Variants in GRIN2B observed in about 807,000 individuals in gnomAD.
GRIN2B encodes the protein glutamate ionotropic receptor NMDA type subunit 2B.
Under a neutral mutation model 114.5 loss-of-function variants are expected in GRIN2B, and 5 were observed. The observed-to-expected ratio is 0.04, with a 90% CI of 0.02 to 0.09. The LOEUF (loss-of-function observed/expected upper bound fraction) is 0.09. GRIN2B is among the 10% of genes least tolerant of loss of function. GRIN2B has a pLI of 1.00. For missense variants in GRIN2B, 1,108 were observed against 1,943.5 expected (o/e 0.57, Z 8.08); for synonymous variants, 787 against 745.1 (o/e 1.06, Z -0.92).
intron 2 of GRIN2B, among the ~76,000 whole-genome samples, chr12:13,968,726 T>A (rs12824372): frequency 0.18 from 27,398 of 152,220 alleles, 2,897 homozygotes; most frequent in South Asian, 0.31. Flanking sequence ...TAATAGCTGA[T>A]AGAGATATTT....
intron 3 of GRIN2B, among the ~76,000 whole-genome samples, chr12:13,757,222 T>C (rs1322165429): frequency 1.3e-5 from 2 of 152,204 alleles, no homozygotes; most frequent in African/African-American, 4.8e-5. Flanking sequence ...AATAATAGCT[T>C]GGGCCAATGT....
rs186245852 is a variant in GRIN2B, at chr12:13,608,964, G to A, written c.1781-132C>T. 2,685 of 711,008 alleles carry A rather than the reference G, an allele frequency of 3.8e-3. 9 individuals are homozygous for A. Among genetic ancestry groups the A allele is most frequent in the Non-Finnish European group, 4.7e-3 (1,874 of 398,310 alleles). 44.0% of individuals were successfully genotyped at this position (711,008 alleles called of 1,614,324 possible). ...GCTAAAACCAAGCCCTTTTATAGAC[G>A]GCTTTTAAATTTGAGAGTGTGTATC... On this transcript the variant is annotated intron_variant, in intron 9 of 13. Transcript: ENST00000609686.
At chr12:13,716,567 T>G (rs1950457851) in intron 4 of GRIN2B, among the ~76,000 whole-genome samples, 1 of 151,742 alleles carries the variant, frequency 6.6e-6, no homozygotes, top group Admixed American at 6.6e-5. Flanking sequence ...AATACGAGAT[T>G]GATGTCGAAT....
At chr12:13,580,032 G>A (rs2193146) in intron 10 of GRIN2B, among the ~76,000 whole-genome samples, 4,810 of 152,284 alleles carry the variant, frequency 0.032, 111 homozygotes, top group Non-Finnish European at 0.051. Flanking sequence ...CATACTTGTT[G>A]AGAAGTCTTT....
At chr12:13,961,757 T>C (rs938647366) in intron 2 of GRIN2B, among the ~76,000 whole-genome samples, 6 of 152,112 alleles carry the variant, frequency 3.9e-5, no homozygotes, top group South Asian at 2.1e-4. Flanking sequence ...CCACATCTTC[T>C]AGAAACGTAG....
At chr12:13,650,257 C>T (rs1949800762) in intron 5 of GRIN2B, among the ~76,000 whole-genome samples, 1 of 152,054 alleles carries the variant, frequency 6.6e-6, no homozygotes, top group South Asian at 2.1e-4. Context: ...CACATGCCTT[C>T]TCCACATGCC....
At position 13,549,343 on chromosome 12, in the gene GRIN2B, ATTAT is replaced by A. The variant is rs1433522222; in HGVS notation, c.*13436_*13439del. The A allele has an allele frequency of 6.6e-6, 1 of 152,162 alleles. No homozygotes were observed. The highest frequency in any genetic ancestry group is 6.5e-5 in the Admixed American group (1 of 15,274). The allele number at this position is 152,162 out of a possible 1,614,324, so 9.4% of individuals were successfully genotyped here. ...TTCTTCAGGATTTTGGCAGGCAGTA[ATTAT>A]TTATTATCGGTCTGGGGGCTATAGG... On this transcript the variant is annotated 3_prime_UTR_variant, in exon 14 of 14. Coordinates refer to ENST00000609686, the MANE Select transcript of GRIN2B (RefSeq NM_000834.5).
chr12:13,967,930 A>G (rs1001532431), intron 2 of GRIN2B, among the ~76,000 whole-genome samples: 10 of 152,242 alleles, frequency 6.6e-5, no homozygotes, highest in Non-Finnish European at 1.3e-4. Context: ...CTGTGTCACC[A>G]TCTCCATCTC....
At chr12:13,845,077 C>A (rs1284942004) in intron 3 of GRIN2B, among the ~76,000 whole-genome samples, 1 of 152,120 alleles carries the variant, frequency 6.6e-6, no homozygotes, top group African/African-American at 2.4e-5. Context: ...AAGGGGCTGA[C>A]TTCAGGGTGC....
intron 3 of GRIN2B, among the ~76,000 whole-genome samples, chr12:13,781,797 T>C (rs1020213085): frequency 6.6e-6 from 1 of 152,212 alleles, no homozygotes; most frequent in Admixed American, 6.5e-5. Context: ...AGGTGAGTTC[T>C]CTGCCACAAG....
intron 3 of GRIN2B, among the ~76,000 whole-genome samples, chr12:13,838,276 G>A (rs374724348): frequency 2.0e-5 from 3 of 152,218 alleles, no homozygotes; most frequent in African/African-American, 7.2e-5. Flanking sequence ...AAGCACCTGC[G>A]TGGTCCATTT....
At chr12:13,825,494 T>TATATATA (rs71448874) in intron 3 of GRIN2B, among the ~76,000 whole-genome samples, 508 of 44,804 alleles carry the variant, frequency 0.011, 3 homozygotes, top group South Asian at 0.05. Flanking sequence ...TATATATATA[T>TATATATA]TTTGTGTGTG....
At chr12:13,687,309 C>G (rs11832541) in intron 4 of GRIN2B, among the ~76,000 whole-genome samples, 1 of 152,022 alleles carries the variant, frequency 6.6e-6, no homozygotes, top group South Asian at 2.1e-4. Flanking sequence ...TAGCAAGTCC[C>G]TTTTTTGTAC....
intron 10 of GRIN2B, among the ~76,000 whole-genome samples, chr12:13,579,992 T>A (rs1412167998): frequency 6.6e-6 from 1 of 152,194 alleles, no homozygotes. Context: ...TCCTCCAACC[T>A]GGTTAGCTTC....
chr12:13,829,322 A>G (rs1431889307), intron 3 of GRIN2B, among the ~76,000 whole-genome samples: 2 of 152,204 alleles, frequency 1.3e-5, no homozygotes, highest in African/African-American at 4.8e-5. Flanking sequence ...AGATATGTCT[A>G]TTTACTCCGG....
intron 10 of GRIN2B, among the ~76,000 whole-genome samples, chr12:13,594,074 TGGG>T (rs766832565): frequency 6.6e-6 from 1 of 152,158 alleles, no homozygotes; most frequent in Non-Finnish European, 1.5e-5. Flanking sequence ...ACACTGTTGG[TGGG>T]AGTGTAAATT....
intron 3 of GRIN2B, among the ~76,000 whole-genome samples, chr12:13,797,438 G>A (rs1565540915): frequency 6.6e-6 from 1 of 152,200 alleles, no homozygotes; most frequent in Admixed American, 6.5e-5. Flanking sequence ...ATAATGGAAA[G>A]TAGAGAAATC....
intron 3 of GRIN2B, among the ~76,000 whole-genome samples, chr12:13,856,874 C>T (rs1591769667): frequency 6.6e-6 from 1 of 152,168 alleles, no homozygotes; most frequent in South Asian, 2.1e-4. Flanking sequence ...ATTCACTCTA[C>T]CTCCAGGCCC....
chr12:13,755,856 C>A (rs1448605995), intron 3 of GRIN2B, among the ~76,000 whole-genome samples: 1 of 152,088 alleles, frequency 6.6e-6, no homozygotes. Flanking sequence ...AAATTAGTGC[C>A]CTTATTAAAG....
Sources: allele counts gnomAD v4.1 joint callset (sites outside exome capture counted in the v4.1 genomes callset), GRCh38; gene constraint gnomAD v4.1.1; transcripts MANE v1.5; gene names NCBI Gene and HGNC (gene_info 2026-07-23, HGNC 2026-07-21).